LAMA2: variants seen among roughly 807,000 people sequenced by gnomAD.
The protein encoded by LAMA2 is laminin subunit alpha 2.
In LAMA2, 269 loss-of-function variants were observed where a neutral mutation model predicts 364.8. That is an observed-to-expected ratio of 0.74 (90% confidence interval 0.67 to 0.82). LAMA2 has a LOEUF of 0.82. LAMA2 is among the 40% of genes least tolerant of loss of function. The pLI is 0.00. For missense variants in LAMA2, 3,807 were observed against 3,873.2 expected, an observed-to-expected ratio of 0.98 and a Z score of 0.45; for synonymous variants, 1,379 against 1,370.6, an observed-to-expected ratio of 1.01 and a Z score of -0.14.
At chr6:129,469,397 G>A (rs1365325645) in intron 51 of LAMA2, among the ~76,000 whole-genome samples, 1 of 151,818 alleles carries the variant, frequency 6.6e-6, no homozygotes, top group East Asian at 1.9e-4. Flanking sequence ...TCCACCATGT[G>A]ATACCATTAC....
intron 14 of LAMA2, among the ~76,000 whole-genome samples, chr6:129,254,283 G>A (rs1345972683): frequency 6.6e-6 from 1 of 152,214 alleles, no homozygotes; most frequent in African/African-American, 2.4e-5. Flanking sequence ...TTGTATAACA[G>A]AAGGAGAACT....
intron 1 of LAMA2, among the ~76,000 whole-genome samples, chr6:128,896,165 T>A (rs1436914437): frequency 6.6e-6 from 1 of 152,168 alleles, no homozygotes; most frequent in Admixed American, 6.5e-5. Flanking sequence ...CAGAACTTTT[T>A]AGTATCACTA....
intron 40 of LAMA2, among the ~76,000 whole-genome samples, chr6:129,423,167 G>A (rs1781163119): frequency 6.6e-6 from 1 of 151,552 alleles, no homozygotes; most frequent in Admixed American, 6.6e-5. Flanking sequence ...TAAGAGTAGG[G>A]GAACTTCACT....
At chr6:129,140,337 T>A (rs1778052578) in intron 4 of LAMA2, among the ~76,000 whole-genome samples, 1 of 152,102 alleles carries the variant, frequency 6.6e-6, no homozygotes, top group African/African-American at 2.4e-5. Context: ...AAAGAGATGT[T>A]TCTGATAAGG....
At chr6:129,187,116 A>G in intron 10 of LAMA2, among the ~76,000 whole-genome samples, 1 of 151,788 alleles carries the variant, frequency 6.6e-6, no homozygotes. Flanking sequence ...AAAAAACTTT[A>G]AGTGCTAGAA....
At chr6:129,432,852 G>A (rs1195183546) in intron 41 of LAMA2, among the ~76,000 whole-genome samples, 1 of 152,188 alleles carries the variant, frequency 6.6e-6, no homozygotes, top group Admixed American at 6.5e-5. Context: ...TGCAGAACCT[G>A]CTACCAGACA....
chr6:129,219,276 G>A (rs201999073), intron 12 of LAMA2, among the ~76,000 whole-genome samples: 2 of 152,116 alleles, frequency 1.3e-5, no homozygotes, highest in Admixed American at 6.5e-5. Flanking sequence ...ACCACAATGA[G>A]ATACCATCTC....
intron 17 of LAMA2, among the ~76,000 whole-genome samples, chr6:129,272,830 A>G (rs977184603): frequency 3.9e-5 from 6 of 152,122 alleles, no homozygotes; most frequent in African/African-American, 1.4e-4. Context: ...CCTGCGAGGG[A>G]TCTAGCTTGT....
chr6:129,130,701 C>G (rs1188529815), intron 4 of LAMA2, among the ~76,000 whole-genome samples: 1 of 152,074 alleles, frequency 6.6e-6, no homozygotes, highest in Non-Finnish European at 1.5e-5. Context: ...TTTAAGGAAC[C>G]AAGTTCACAG....
intron 37 of LAMA2, among the ~76,000 whole-genome samples, chr6:129,398,763 C>A (rs139224310): frequency 2.6e-5 from 4 of 151,998 alleles, no homozygotes; most frequent in Non-Finnish European, 4.4e-5. Context: ...CATGAGCCAC[C>A]GTGCCTGACC....
chr6:129,369,623 C>T (rs953997224), intron 33 of LAMA2, among the ~76,000 whole-genome samples: 1 of 152,086 alleles, frequency 6.6e-6, no homozygotes, highest in African/African-American at 2.4e-5. Context: ...GCTTACCCCC[C>T]ATAGAGCTGT....
intron 1 of LAMA2, among the ~76,000 whole-genome samples, chr6:128,951,305 G>C (rs1780807709): frequency 6.6e-6 from 1 of 152,036 alleles, no homozygotes; most frequent in South Asian, 2.1e-4. Flanking sequence ...GTGGTAACAG[G>C]TATAAGTGCC....
intron 1 of LAMA2, among the ~76,000 whole-genome samples, chr6:129,040,433 C>T (rs531373016): frequency 1.3e-5 from 2 of 151,820 alleles, no homozygotes; most frequent in South Asian, 4.2e-4. Context: ...TAAACTTGGG[C>T]AACAGAGCAA....
chr6:129,237,053 G>C (rs558970854), intron 12 of LAMA2, among the ~76,000 whole-genome samples: 1 of 152,242 alleles, frequency 6.6e-6, no homozygotes, highest in Admixed American at 6.5e-5. Context: ...CCTTGAACAA[G>C]TTATGTAAGT....
chr6:129,018,001 A>G (rs889084181), intron 1 of LAMA2, among the ~76,000 whole-genome samples: 11 of 151,620 alleles, frequency 7.3e-5, no homozygotes, highest in African/African-American at 2.4e-4. Flanking sequence ...ATCTCTTTCC[A>G]TTATGTGATT....
At chr6:129,222,591 T>C (rs1018003919) in intron 12 of LAMA2, among the ~76,000 whole-genome samples, 1 of 148,798 alleles carries the variant, frequency 6.7e-6, no homozygotes, top group South Asian at 2.1e-4. Flanking sequence ...GAATATGCGA[T>C]GTTTAGTTTG....
chr6:129,046,566 G>A (rs931964543), intron 1 of LAMA2, among the ~76,000 whole-genome samples: 1 of 152,156 alleles, frequency 6.6e-6, no homozygotes, highest in African/African-American at 2.4e-5. Context: ...AACACATGGG[G>A]ATTACAGGCG....
intron 12 of LAMA2, among the ~76,000 whole-genome samples, chr6:129,227,714 C>T (rs1215746403): frequency 4.6e-5 from 7 of 152,146 alleles, no homozygotes; most frequent in Non-Finnish European, 1.0e-4. Flanking sequence ...GGTACTCGGC[C>T]GTGTGGGATG....
At chr6:128,911,873 T>G (rs1332656582) in intron 1 of LAMA2, among the ~76,000 whole-genome samples, 1 of 152,194 alleles carries the variant, frequency 6.6e-6, no homozygotes, top group Non-Finnish European at 1.5e-5. Context: ...TGTCTTAGAA[T>G]TTCCTTTATA....
Sources: gnomAD v4.1 joint callset for allele counts (sites outside exome capture counted in the v4.1 genomes callset) on GRCh38, gnomAD v4.1.1 for gene constraint, MANE v1.5 for transcripts, NCBI Gene and HGNC (gene_info 2026-07-23, HGNC 2026-07-21) for gene names.